Variants in SPAG16 observed in about 807,000 individuals in gnomAD.
SPAG16 encodes the protein sperm-associated antigen 16 protein.
Under a neutral mutation model 80.4 loss-of-function variants are expected in SPAG16, and 86 were observed. The observed-to-expected ratio is 1.07, with a 90% CI of 0.90 to 1.28. The LOEUF (loss-of-function observed/expected upper bound fraction) is 1.28, where lower values mean the gene tolerates loss of function less well. Ranked by LOEUF, SPAG16 falls within the 50% of genes most tolerant of loss-of-function variation. SPAG16 has a pLI of 0.00. For synonymous variants in SPAG16, 294 were observed against 265.9 expected, an observed-to-expected ratio of 1.11 and a Z score of -1.03; for missense variants, 870 against 765.3, an observed-to-expected ratio of 1.14 and a Z score of -1.61.
At chr2:213,840,346 A>G (rs944221066) in intron 10 of SPAG16, among the ~76,000 whole-genome samples, 11 of 152,158 alleles carry the variant, frequency 7.2e-5, no homozygotes, top group African/African-American at 2.7e-4. Flanking sequence ...GAAATTGATG[A>G]TGCTTTCTCA....
intron 9 of SPAG16, among the ~76,000 whole-genome samples, chr2:213,380,202 C>T (rs1237642767): frequency 2.6e-5 from 4 of 152,192 alleles, no homozygotes; most frequent in Non-Finnish European, 5.9e-5. Flanking sequence ...CAACCAGTTG[C>T]ACTGCTCTAA....
intron 15 of SPAG16, among the ~76,000 whole-genome samples, chr2:214,373,221 A>G (rs1309178597): frequency 6.6e-6 from 1 of 152,182 alleles, no homozygotes; most frequent in Non-Finnish European, 1.5e-5. Flanking sequence ...CAATTTTATA[A>G]TATCTTTAAT....
chr2:213,444,988 T>C (rs1312974598), intron 9 of SPAG16, among the ~76,000 whole-genome samples: 1 of 152,148 alleles, frequency 6.6e-6, no homozygotes, highest in Non-Finnish European at 1.5e-5. Flanking sequence ...GAACATATAT[T>C]GGAGAAGGGA....
At chr2:214,065,303 T>C (rs1210823491) in intron 13 of SPAG16, among the ~76,000 whole-genome samples, 3 of 152,132 alleles carry the variant, frequency 2.0e-5, no homozygotes, top group Non-Finnish European at 4.4e-5. Context: ...TGCAAAGGGA[T>C]TTTGACCTCA....
At chr2:213,541,693 T>C (rs1392274621) in intron 10 of SPAG16, among the ~76,000 whole-genome samples, 1 of 152,160 alleles carries the variant, frequency 6.6e-6, no homozygotes, top group African/African-American at 2.4e-5. Context: ...TTCCAAGATG[T>C]ATAATAAACA....
chr2:214,137,282 A>G (rs1050570959), intron 14 of SPAG16, among the ~76,000 whole-genome samples: 2 of 152,042 alleles, frequency 1.3e-5, no homozygotes, highest in African/African-American at 2.4e-5. Flanking sequence ...ATTGAACTAC[A>G]TATTTTTTCG....
intron 10 of SPAG16, among the ~76,000 whole-genome samples, chr2:213,853,892 G>T (rs2075030041): frequency 6.6e-6 from 1 of 152,138 alleles, no homozygotes; most frequent in African/African-American, 2.4e-5. Context: ...AAAGCTTGAG[G>T]AGGGGTATCC....
At position 214,154,002 on chromosome 2, in the gene SPAG16, T is replaced by C. The variant is rs562459340; in HGVS notation, c.1720+4736T>C. 1.8e-3 allele frequency among the ~76,000 whole-genome samples: 271 copies of C among 152,290 alleles called. 2 individuals carry two copies. The highest frequency in any genetic ancestry group is 6.4e-3 in the African/African-American group (265 of 41,582). On this transcript the variant is annotated intron_variant, in intron 15 of 15. Coordinates refer to ENST00000331683, the MANE Select transcript of SPAG16 (RefSeq NM_024532.5). ...TCCCAAGTATTTGTGAAGGGATAAG[T>C]GCTCCTTTCTCATTAAACAGAAAGC...
Position 214,204,045 on chromosome 2 carries a change from T to C in SPAG16, c.1720+54779T>C, listed in dbSNP as rs572218933. On this transcript the variant is annotated intron_variant, in intron 15 of 15. Transcript: ENST00000331683. ...GCTGCATAGGAGCTGATGAGGCCTG[T>C]AACTGCCAGCTTTCCCCCACTTCCC... Among the ~76,000 whole-genome samples the C allele has an allele frequency of 1.1e-4, 17 of 152,238 alleles. No individual in the cohort carries two copies. In the South Asian group the frequency reaches 2.9e-3, roughly 26 times the overall value.
intron 15 of SPAG16, among the ~76,000 whole-genome samples, chr2:214,348,918 T>A (rs1698228340): frequency 6.6e-6 from 1 of 152,242 alleles, no homozygotes; most frequent in Non-Finnish European, 1.5e-5. Context: ...ATTGTTTTGT[T>A]AGTGTTCTTT....
intron 10 of SPAG16, among the ~76,000 whole-genome samples, chr2:213,544,439 C>A (rs537056906): frequency 6.6e-6 from 1 of 152,148 alleles, no homozygotes; most frequent in African/African-American, 2.4e-5. Context: ...CCCATACCCC[C>A]ACACGTACAT....
chr2:214,321,835 A>G (rs1179935532), intron 15 of SPAG16, among the ~76,000 whole-genome samples: 1 of 152,220 alleles, frequency 6.6e-6, no homozygotes, highest in East Asian at 1.9e-4. Context: ...AAAGTCATTA[A>G]TAGGTATATT....
intron 15 of SPAG16, among the ~76,000 whole-genome samples, chr2:214,344,606 T>G (rs1460021320): frequency 6.6e-6 from 1 of 152,208 alleles, no homozygotes; most frequent in Non-Finnish European, 1.5e-5. Flanking sequence ...TTTTTTAACA[T>G]GATCTTATCT....
chr2:214,020,426 T>A, intron 13 of SPAG16, among the ~76,000 whole-genome samples: 1 of 152,192 alleles, frequency 6.6e-6, no homozygotes, highest in East Asian at 1.9e-4. Context: ...ATGTTTCTTT[T>A]ATAGCCTCTA....
intron 12 of SPAG16, among the ~76,000 whole-genome samples, chr2:213,996,565 C>CTTTT (rs57100155): frequency 1.4e-4 from 16 of 116,958 alleles, no homozygotes; most frequent in African/African-American, 2.3e-4. Flanking sequence ...TAATGCTATT[C>CTTTT]TTTTTTTTTT....
chr2:213,677,810 T>C (rs1393801508), intron 10 of SPAG16, among the ~76,000 whole-genome samples: 2 of 152,132 alleles, frequency 1.3e-5, no homozygotes, highest in Non-Finnish European at 1.5e-5. Context: ...ATCAACAGAA[T>C]ATACATTTTT....
intron 15 of SPAG16, among the ~76,000 whole-genome samples, chr2:214,358,188 T>C (rs73989455): frequency 0.07 from 10,644 of 151,864 alleles, 1,196 homozygotes; most frequent in African/African-American, 0.24. Context: ...TAGTGTCTTA[T>C]GCGATGCTCT....
chr2:214,031,155 A>G (rs2048385707), intron 13 of SPAG16, among the ~76,000 whole-genome samples: 1 of 152,004 alleles, frequency 6.6e-6, no homozygotes, highest in Non-Finnish European at 1.5e-5. Context: ...TCTAACAGAC[A>G]GAACCCTCAG....
intron 9 of SPAG16, among the ~76,000 whole-genome samples, chr2:213,403,496 A>G (rs985668383): frequency 4.9e-5 from 7 of 142,810 alleles, no homozygotes; most frequent in African/African-American, 1.7e-4. Context: ...GGCCTTTGAC[A>G]AAATTCAGCA....
Sources: allele counts gnomAD v4.1 joint callset (sites outside exome capture counted in the v4.1 genomes callset), GRCh38; gene constraint gnomAD v4.1.1; transcripts MANE v1.5; gene names NCBI Gene and HGNC (gene_info 2026-07-23, HGNC 2026-07-21).